ZNF665: variants seen among roughly 807,000 people sequenced by gnomAD.
ZNF665 encodes zinc finger protein 665.
ZNF665 carries 6 observed loss-of-function variants against 7.9 expected under a neutral mutation model. That is an observed-to-expected ratio of 0.76 (90% CI 0.42 to 1.50). The LOEUF (loss-of-function observed/expected upper bound fraction) is 1.50. Ranked by LOEUF, ZNF665 falls within the 40% of genes most tolerant of loss-of-function variation. The pLI is 0.01. For missense variants in ZNF665, 819 were observed against 806.7 expected (o/e 1.02, Z -0.18); for synonymous variants, 242 against 274.5 (o/e 0.88, Z 1.17).
intron 3 of ZNF665, among the ~76,000 whole-genome samples, chr19:53,173,803 G>T (rs1300669833): frequency 6.6e-6 from 1 of 152,052 alleles, no homozygotes; most frequent in African/African-American, 2.4e-5. Context: ...GGTTTGTTTT[G>T]TTCAATGAAT....
chr19:53,185,231 G>T (rs1202493280), intron 1 of ZNF665, among the ~76,000 whole-genome samples: 3 of 151,818 alleles, frequency 2.0e-5, no homozygotes, highest in Non-Finnish European at 4.4e-5. Flanking sequence ...AGCGGGTGTT[G>T]TTCCTTGCCA....
rs1432841892 is a variant in ZNF665, at chr19:53,171,522, ATATTT to A, written c.142+3918_142+3922del. ...TGTGTGTGTATATATATATATATATATATTTTTTTTTTTTTTTTCTTTTTTTAGAC... is the reference window on the plus strand; with the variant it reads ...TGTGTGTGTATATATATATATATATATTTTTTTTTTTTTCTTTTTTTAGAC... On this transcript the variant is annotated intron_variant, in intron 3 of 3. Transcript: ENST00000396424. Among the ~76,000 whole-genome samples the A allele has an allele frequency of 3.5e-3, 263 of 75,378 alleles. 3 individuals carry two copies. The highest frequency in any genetic ancestry group is 0.033 in the Admixed American group (217 of 6,512). 49.5% of individuals were successfully genotyped at this position (75,378 alleles called of 152,430 possible).
At chr19:53,184,260 A>G (rs2090760350) in intron 1 of ZNF665, among the ~76,000 whole-genome samples, 1 of 152,176 alleles carries the variant, frequency 6.6e-6, no homozygotes, top group South Asian at 2.1e-4. Context: ...AAAAAAAAAG[A>G]CTAGAAGAAA....
chr19:53,184,740 G>C (rs1267560420), intron 1 of ZNF665, among the ~76,000 whole-genome samples: 1 of 152,120 alleles, frequency 6.6e-6, no homozygotes, highest in Non-Finnish European at 1.5e-5. Context: ...GGGCCCGGGG[G>C]ACCACTACCA....
chr19:53,165,177 G>A lies in ZNF665; in HGVS notation c.1313C>T (p.Ala438Val). The A allele has an allele frequency of 1.2e-6, 2 of 1,614,132 alleles. No individual in the cohort carries two copies. Among genetic ancestry groups the A allele is most frequent in the Non-Finnish European group, 1.7e-6 (2 of 1,180,028 alleles). The part of the protein sequence containing the change: ...KPYRCDECGK[A>V]FSVRSSLTTH... ...AGTTAGGCTTGATCGCACACTAAAG[G>A]CTTTGCCACACTCATCACACCTGTA... Residue 438 changes from alanine (A) to valine (V), a missense_variant, in exon 4 of 4, where the codon GCC (alanine) becomes GTC (valine). Coordinates refer to ENST00000396424, the MANE Select transcript of ZNF665 (RefSeq NM_024733.5).
In ZNF665 at chr19:53,166,193, C is replaced by G. The variant is rs752534769; in HGVS notation, c.297G>C (p.Glu99Asp). 16 of 1,613,968 alleles carry G rather than the reference C, an allele frequency of 9.9e-6. No individual in the cohort carries two copies. Among genetic ancestry groups the G allele is most frequent in the African/African-American group, 1.3e-5 (1 of 75,052 alleles). ...QEVQKNTYDF[E>D]CQWKDDEGNY... is the part of the protein sequence containing the mutation. ...TTCCTTCATCATCTTTCCACTGACACTCAAAGTCGTATGTATTTTTCTGAA... is the reference window on the plus strand; with the variant it reads ...TTCCTTCATCATCTTTCCACTGACAGTCAAAGTCGTATGTATTTTTCTGAA... The change falls in exon 4 of 4, where the codon GAG becomes GAC. Residue 99 changes from glutamate (E) to aspartate (D), a missense_variant. By Grantham distance (45) the Glu-to-Asp change is conservative (BLOSUM62 2). Transcript: ENST00000396424.
In ZNF665 at chr19:53,182,955, T is replaced by C. The variant is rs2090749355; in HGVS notation, c.-45-12A>G. The stretch of plus-strand genomic sequence containing the variant: ...TTCCAGGGTTCTACCTTGGGTAACA[T>C]GAAAGAGACTTTAGAATTCAATCCT... On this transcript the variant is annotated splice_polypyrimidine_tract_variant and intron_variant, in intron 1 of 3. Coordinates refer to ENST00000396424, the MANE Select transcript of ZNF665 (RefSeq NM_024733.5). 1 of 1,597,838 alleles carries C rather than the reference T, an allele frequency of 6.3e-7. No individual in the cohort carries two copies. Among genetic ancestry groups the C allele is most frequent in the Non-Finnish European group, 8.5e-7 (1 of 1,174,184 alleles).
intron 2 of ZNF665, among the ~76,000 whole-genome samples, chr19:53,175,775 T>G (rs544041130): frequency 6.6e-6 from 1 of 152,174 alleles, no homozygotes; most frequent in Non-Finnish European, 1.5e-5. Context: ...AGGTGATAAG[T>G]ATCTTTTTGT....
chr19:53,181,426 A>C (rs2090737173), intron 2 of ZNF665: 1 of 151,976 alleles, frequency 6.6e-6, no homozygotes, highest in Non-Finnish European at 1.5e-5. Flanking sequence ...GTATCAGAAA[A>C]AAAAAAAAAG....
intron 1 of ZNF665, among the ~76,000 whole-genome samples, 196 bp from the exon 2 acceptor site, chr19:53,183,139 C>T (rs867825833): frequency 1.3e-5 from 2 of 152,156 alleles, no homozygotes; most frequent in South Asian, 4.1e-4. Context: ...ACAGGAAAAA[C>T]AAGTGAGTTT....
intron 3 of ZNF665, among the ~76,000 whole-genome samples, chr19:53,166,860 C>T (rs769784340): frequency 6.6e-6 from 1 of 152,074 alleles, no homozygotes; most frequent in Non-Finnish European, 1.5e-5. Context: ...ACTGAAAAAA[C>T]GAGGAGGAAT....
rs929383968 is a variant in ZNF665 at position 53,167,998 on chromosome 19, G to A, written c.143-1651C>T. 3.0e-5 allele frequency among the ~76,000 whole-genome samples: 4 copies of A among 135,486 alleles called. No homozygotes were observed. The East Asian group carries it at 6.7e-4, about 23-fold the overall frequency. The allele number at this position is 135,486 out of a possible 152,430, so 88.9% of individuals were successfully genotyped here. ...GTGAATCCAGGAGGTGGAGCTTGCAGTGAGCCGAGATTGTGCCATTGCACT... is the reference window on the plus strand; with the variant it reads ...GTGAATCCAGGAGGTGGAGCTTGCAATGAGCCGAGATTGTGCCATTGCACT... On this transcript the variant is annotated intron_variant, in intron 3 of 3. Transcript: ENST00000396424.
intron 3 of ZNF665, among the ~76,000 whole-genome samples, chr19:53,170,741 T>A (rs1163738254): frequency 6.6e-6 from 1 of 152,210 alleles, no homozygotes; most frequent in Non-Finnish European, 1.5e-5. Flanking sequence ...GGAATGCAGA[T>A]ACGTCATAGA....
rs549945629 is a variant in ZNF665, at chr19:53,164,223, C to T, written c.*230G>A. ...GCATGATCTCGCTCACTGCAACCTC[C>T]GCCTCCCAGGTTCAAGTGATTCTCC... is the stretch of plus-strand genomic sequence containing the variant. On this transcript the variant is annotated 3_prime_UTR_variant, in exon 4 of 4. Coordinates refer to ENST00000396424, the MANE Select transcript of ZNF665 (RefSeq NM_024733.5). 788 of 356,134 alleles carry T rather than the reference C, an allele frequency of 2.2e-3. 3 individuals carry two copies. The highest frequency in any genetic ancestry group is 0.011 in the Middle Eastern group (15 of 1,332). 22.1% of individuals were successfully genotyped at this position (356,134 alleles called of 1,614,324 possible). A position where few individuals can be genotyped will look rare whatever the true frequency, so the allele number is the denominator to read the frequency against.
chr19:53,176,238 A>G (rs2090697231), intron 2 of ZNF665, among the ~76,000 whole-genome samples: 1 of 152,162 alleles, frequency 6.6e-6, no homozygotes, highest in Admixed American at 6.6e-5. Flanking sequence ...AACACTGCAA[A>G]AGGGAAGAAG....
Position 53,164,805 on chromosome 19 carries a change from C to A in ZNF665, c.1685G>T (p.Arg562Ile), listed in dbSNP as rs267605650. ...ATAAGGTTTCTCACCAGTGTGAATTCTCTGATGAATTGCAAGGTACGAATT... is the reference window on the plus strand; with the variant it reads ...ATAAGGTTTCTCACCAGTGTGAATTATCTGATGAATTGCAAGGTACGAATT... ...RHNSYLAIHQ[R>I]IHTGEKPYKC... Residue 562 changes from arginine to isoleucine, a missense_variant, in exon 4 of 4, where the codon AGA becomes ATA. Coordinates refer to ENST00000396424, the MANE Select transcript of ZNF665 (RefSeq NM_024733.5). 6 of 1,614,070 alleles carry A rather than the reference C, an allele frequency of 3.7e-6. No individual in the cohort carries two copies. In the African/African-American group the frequency reaches 5.3e-5, roughly 14 times the overall value.
At position 53,164,433 on chromosome 19, in the gene ZNF665, C is replaced by T. The variant is rs749799035; in HGVS notation, c.*20G>A. ...GATTACAGGCGTGAGCCACCACGCC[C>T]GGCGTCCTTTGTAAGGTTTCTATCC... On this transcript the variant is annotated 3_prime_UTR_variant, in exon 4 of 4. Coordinates refer to ENST00000396424, the MANE Select transcript of ZNF665 (RefSeq NM_024733.5). The T allele has an allele frequency of 4.0e-5, 62 of 1,532,358 alleles. No homozygotes were observed. The East Asian group carries it at 4.8e-4, about 12-fold the overall frequency. 94.9% of individuals were successfully genotyped at this position (1,532,358 alleles called of 1,614,324 possible).
intron 2 of ZNF665, among the ~76,000 whole-genome samples, chr19:53,178,469 G>T (rs1032917604): frequency 6.6e-6 from 1 of 152,072 alleles, no homozygotes; most frequent in African/African-American, 2.4e-5. Context: ...CATGCCTGTA[G>T]TCCCAGCACT....
chr19:53,175,768 T>G (rs1408721742), intron 2 of ZNF665, among the ~76,000 whole-genome samples, 197 bp from the exon 3 acceptor site: 1 of 152,156 alleles, frequency 6.6e-6, no homozygotes, highest in Non-Finnish European at 1.5e-5. Context: ...ATCTGTGAGG[T>G]GATAAGTATC....
Sources: gnomAD v4.1 joint callset for allele counts (sites outside exome capture counted in the v4.1 genomes callset) on GRCh38, gnomAD v4.1.1 for gene constraint, MANE v1.5 for transcripts, NCBI Gene and HGNC (gene_info 2026-07-23, HGNC 2026-07-21) for gene names.